Variants in USP34 observed in about 807,000 individuals in gnomAD.
USP34 encodes the protein ubiquitin specific peptidase 34, also known as ubiquitin carboxyl-terminal hydrolase 34.
In USP34, 70 loss-of-function variants were observed where a neutral mutation model predicts 460.3. The observed-to-expected ratio is 0.15, with a 90% CI of 0.13 to 0.19. USP34 has a LOEUF of 0.19. USP34 is among the 10% of genes least tolerant of loss of function. USP34 has a pLI of 1.00. For missense variants in USP34, 3,985 were observed against 4,236.2 expected (o/e 0.94, Z 1.65); for synonymous variants, 1,647 against 1,405.3 (o/e 1.17, Z -3.85).
intron 2 of USP34, among the ~76,000 whole-genome samples, chr2:61,415,724 A>G (rs997343635): frequency 2.0e-5 from 3 of 152,178 alleles, no homozygotes; most frequent in Non-Finnish European, 4.4e-5. Context: ...ACTCTGTATT[A>G]CTTATGTTGG....
At chr2:61,414,400 T>G (rs13400434) in intron 2 of USP34, among the ~76,000 whole-genome samples, 1 of 152,198 alleles carries the variant, frequency 6.6e-6, no homozygotes, top group Non-Finnish European at 1.5e-5. Flanking sequence ...TTTCCAATTC[T>G]GTATCCAATA....
intron 1 of USP34, among the ~76,000 whole-genome samples, chr2:61,437,158 G>A (rs1028838879): frequency 5.9e-5 from 9 of 151,914 alleles, no homozygotes; most frequent in Admixed American, 3.9e-4. Flanking sequence ...ACCAAAATTA[G>A]ACAACGAAGA....
At chr2:61,329,614 A>C (rs1691201286) in intron 20 of USP34, among the ~76,000 whole-genome samples, 1 of 152,178 alleles carries the variant, frequency 6.6e-6, no homozygotes, top group South Asian at 2.1e-4. Flanking sequence ...GACAGTCCAG[A>C]ATACTAAGCT....
intron 33 of USP34, among the ~76,000 whole-genome samples, chr2:61,292,061 G>C (rs995304510): frequency 1.3e-5 from 2 of 152,140 alleles, no homozygotes; most frequent in Non-Finnish European, 2.9e-5. Flanking sequence ...TAGGGCTAAA[G>C]CGTTTAGGGG....
intron 44 of USP34, 86 bp from the exon 45 acceptor site, chr2:61,257,436 AG>A (rs1688749313): frequency 1.8e-6 from 2 of 1,094,800 alleles, no homozygotes; most frequent in Non-Finnish European, 1.2e-6. Flanking sequence ...CAAAAACAAA[AG>A]AACAGGTAGT....
chr2:61,262,891 T>C (rs1235344967), intron 43 of USP34, among the ~76,000 whole-genome samples: 2 of 152,242 alleles, frequency 1.3e-5, no homozygotes, highest in African/African-American at 4.8e-5. Context: ...TGGTTTGAGA[T>C]GTTATCTCAC....
chr2:61,263,775 C>T (rs1039583311), intron 43 of USP34, among the ~76,000 whole-genome samples: 33 of 152,210 alleles, frequency 2.2e-4, no homozygotes, highest in African/African-American at 7.7e-4. Context: ...AGCCACCACA[C>T]CCCACACGCA....
intron 1 of USP34, among the ~76,000 whole-genome samples, chr2:61,425,895 G>C (rs1223987243): frequency 6.6e-6 from 1 of 151,814 alleles, no homozygotes; most frequent in Non-Finnish European, 1.5e-5. Context: ...GAGGAGAGAA[G>C]GAAGAGTGGG....
intron 23 of USP34, among the ~76,000 whole-genome samples, chr2:61,317,215 T>C (rs979387985): frequency 2.6e-5 from 4 of 152,272 alleles, no homozygotes. Flanking sequence ...ATTTGCTTCA[T>C]AAAACTTTTG....
intron 32 of USP34, 58 bp downstream of exon 32, chr2:61,294,891 T>A: frequency 1.4e-6 from 2 of 1,410,494 alleles, no homozygotes; most frequent in South Asian, 2.5e-5. Flanking sequence ...TACCCACTTT[T>A]GAAAAACTGA....
chr2:61,228,765 A>T (rs1382315610), intron 60 of USP34, 46 bp from the exon 61 acceptor site: 1 of 1,597,132 alleles, frequency 6.3e-7, no homozygotes, highest in Non-Finnish European at 8.5e-7. Flanking sequence ...AATAAAAGCA[A>T]TTAAGTTGCA....
chr2:61,350,798 A>G (rs970368024), intron 10 of USP34, 105 bp from the exon 11 acceptor site: 46 of 1,130,390 alleles, frequency 4.1e-5, no homozygotes, highest in Admixed American at 2.4e-4. Context: ...CAGTACACTA[A>G]TATTTTTTAA....
intron 10 of USP34, among the ~76,000 whole-genome samples, chr2:61,359,977 G>T (rs922755080): frequency 6.6e-6 from 1 of 151,782 alleles, no homozygotes; most frequent in Non-Finnish European, 1.5e-5. Flanking sequence ...TAGAAACGAG[G>T]TTTCACTATG....
chr2:61,394,074 C>T (rs553019211), intron 5 of USP34, among the ~76,000 whole-genome samples: 8 of 151,988 alleles, frequency 5.3e-5, no homozygotes, highest in Non-Finnish European at 1.0e-4. Flanking sequence ...TGAGCTGAGA[C>T]TGCACCACTG....
intron 30 of USP34, 139 bp from the exon 31 acceptor site, chr2:61,295,429 G>A (rs182550086): frequency 6.8e-6 from 6 of 876,268 alleles, no homozygotes; most frequent in African/African-American, 1.7e-5. Context: ...TGAAGACTAG[G>A]TATATAACTG....
intron 71 of USP34, 57 bp downstream of exon 71, chr2:61,206,703 C>A: frequency 6.3e-7 from 1 of 1,582,894 alleles, no homozygotes; most frequent in Non-Finnish European, 8.6e-7. Context: ...GATTTTAAAA[C>A]CTTCTCTCTC....
intron 48 of USP34, among the ~76,000 whole-genome samples, chr2:61,254,229 C>T (rs1416062106): frequency 6.6e-6 from 1 of 152,196 alleles, no homozygotes; most frequent in Non-Finnish European, 1.5e-5. Flanking sequence ...AGATTCTCCT[C>T]CCAGTTTGGG....
chr2:61,196,991 T>C (rs1291908360), intron 75 of USP34, among the ~76,000 whole-genome samples: 5 of 152,170 alleles, frequency 3.3e-5, no homozygotes, highest in East Asian at 1.9e-4. Flanking sequence ...AAGATGGAAA[T>C]AGGCCAGGCG....
intron 5 of USP34, among the ~76,000 whole-genome samples, chr2:61,387,761 A>G (rs1693204444): frequency 6.7e-6 from 1 of 148,304 alleles, no homozygotes; most frequent in African/African-American, 2.5e-5. Context: ...GTATACACAC[A>G]TGTAAAATAT....
Sources: allele counts gnomAD v4.1 joint callset (sites outside exome capture counted in the v4.1 genomes callset), GRCh38; gene constraint gnomAD v4.1.1; transcripts MANE v1.5; gene names NCBI Gene and HGNC (gene_info 2026-07-23, HGNC 2026-07-21).